Variants in GLIS3 observed in about 807,000 individuals in gnomAD.
The protein encoded by GLIS3 is zinc finger protein GLIS3.
GLIS3 carries 53 observed loss-of-function variants against 78.6 expected under a neutral mutation model. The observed-to-expected ratio is 0.67, with a 90% CI of 0.54 to 0.85. The LOEUF is 0.85. GLIS3 is among the 40% of genes least tolerant of loss of function. The pLI is 0.00. For missense variants in GLIS3, 1,703 were observed against 1,231.1 expected (o/e 1.38, Z -5.74); for synonymous variants, 684 against 509.9 (o/e 1.34, Z -4.60).
At chr9:3,981,019 G>C (rs1271603240) in intron 4 of GLIS3, among the ~76,000 whole-genome samples, 2 of 152,138 alleles carry the variant, frequency 1.3e-5, no homozygotes, top group East Asian at 3.9e-4. Context: ...TTTGTTGCAG[G>C]GCTGGACGAA....
At chr9:3,863,251 C>A (rs1338013298) in intron 8 of GLIS3, among the ~76,000 whole-genome samples, 1 of 152,206 alleles carries the variant, frequency 6.6e-6, no homozygotes, top group Admixed American at 6.5e-5. Flanking sequence ...CTTATACTTC[C>A]CTTCTGTCTC....
chr9:4,310,286 C>T (rs1281056751), intron 3 of GLIS3: 1 of 152,110 alleles, frequency 6.6e-6, no homozygotes, highest in Admixed American at 6.6e-5. Context: ...TATAATTGAA[C>T]AGTAAATGAA....
chr9:4,489,789 G>A, the GLIS3 span, among the ~76,000 whole-genome samples: 1 of 152,322 alleles, frequency 6.6e-6, no homozygotes, highest in East Asian at 1.9e-4. Flanking sequence ...CCAAGGAGCA[G>A]AAGTAAAGTT....
the GLIS3 span, among the ~76,000 whole-genome samples, chr9:4,417,189 T>C: frequency 1.3e-5 from 2 of 152,176 alleles, no homozygotes; most frequent in Non-Finnish European, 2.9e-5. Context: ...ATTATTTATA[T>C]AGTGATTTGT....
chr9:4,162,051 G>T (rs1258732644), intron 2 of GLIS3, among the ~76,000 whole-genome samples: 2 of 152,010 alleles, frequency 1.3e-5, no homozygotes, highest in Non-Finnish European at 2.9e-5. Context: ...TCTAGGAGAG[G>T]ATCCTTCCTT....
chr9:4,316,032 T>C (rs746450818), intron 2 of GLIS3, among the ~76,000 whole-genome samples: 28 of 152,232 alleles, frequency 1.8e-4, no homozygotes, highest in Non-Finnish European at 3.5e-4. Flanking sequence ...TTATCTGGGA[T>C]GATCACAATG....
intron 9 of GLIS3, among the ~76,000 whole-genome samples, chr9:3,840,388 T>C (rs1437172576): frequency 1.3e-5 from 2 of 152,044 alleles, no homozygotes; most frequent in Non-Finnish European, 2.9e-5. Flanking sequence ...GAGGTAGGAG[T>C]CTACTAAGCA....
chr9:4,317,846 CTG>C (rs958695600), intron 2 of GLIS3, among the ~76,000 whole-genome samples: 4 of 152,158 alleles, frequency 2.6e-5, no homozygotes, highest in African/African-American at 9.7e-5. Flanking sequence ...AAAGAGTACT[CTG>C]TAAACTTTAA....
At chr9:3,882,581 AT>A in intron 7 of GLIS3, among the ~76,000 whole-genome samples, 1 of 152,302 alleles carries the variant, frequency 6.6e-6, no homozygotes, top group East Asian at 1.9e-4. Flanking sequence ...GCTCCAGAAT[AT>A]GCCCTCCAGC....
At chr9:3,833,642 C>G (rs1417901912) in intron 9 of GLIS3, among the ~76,000 whole-genome samples, 1 of 152,150 alleles carries the variant, frequency 6.6e-6, no homozygotes, top group Non-Finnish European at 1.5e-5. Flanking sequence ...AGACATCATC[C>G]TTGTCTTTGA....
intron 4 of GLIS3, among the ~76,000 whole-genome samples, chr9:4,065,769 G>A (rs1193844318): frequency 1.3e-5 from 2 of 152,132 alleles, no homozygotes; most frequent in African/African-American, 2.4e-5. Context: ...TTTTATGGAT[G>A]TATAGATGAC....
intron 2 of GLIS3, among the ~76,000 whole-genome samples, chr9:4,268,823 C>A (rs972644486): frequency 2.0e-5 from 3 of 152,158 alleles, no homozygotes; most frequent in African/African-American, 7.2e-5. Context: ...AGCTCTGGGT[C>A]CCAGCTCCAA....
intron 2 of GLIS3, among the ~76,000 whole-genome samples, chr9:4,178,263 A>G (rs1816978784): frequency 6.6e-6 from 1 of 151,594 alleles, no homozygotes; most frequent in Non-Finnish European, 1.5e-5. Context: ...TGCCCCCACA[A>G]TTTACTCTGC....
chr9:4,090,803 T>G (rs2130750527), intron 4 of GLIS3, among the ~76,000 whole-genome samples: 1 of 152,346 alleles, frequency 6.6e-6, no homozygotes, highest in South Asian at 2.1e-4. Flanking sequence ...TGTCAACTGC[T>G]ACTGCTGAGG....
At chr9:4,124,887 T>C (rs1052658376) in intron 3 of GLIS3, among the ~76,000 whole-genome samples, 1 of 152,212 alleles carries the variant, frequency 6.6e-6, no homozygotes, top group Non-Finnish European at 1.5e-5. Flanking sequence ...AACTGTGGAT[T>C]GTGTTTTTCC....
chr9:4,365,543 G>A, the GLIS3 span, among the ~76,000 whole-genome samples: 4 of 151,460 alleles, frequency 2.6e-5, no homozygotes, highest in Non-Finnish European at 5.9e-5. Context: ...GTGACAGAGT[G>A]AGACTCCATC....
chr9:3,995,973 A>C (rs1163128471), intron 4 of GLIS3, among the ~76,000 whole-genome samples: 2 of 152,272 alleles, frequency 1.3e-5, no homozygotes, highest in Admixed American at 6.5e-5. Flanking sequence ...ATAAATTCTA[A>C]GCAAGACTAA....
chr9:4,298,453 G>A (rs920769775), intron 1 of GLIS3: 3 of 450,864 alleles, frequency 6.7e-6, no homozygotes, highest in Admixed American at 2.4e-5. Context: ...GTGACTTCCC[G>A]GTCCCCGAGG....
At chr9:4,150,961 C>G (rs1344225722) in intron 2 of GLIS3, 2 of 152,142 alleles carry the variant, frequency 1.3e-5, no homozygotes, top group African/African-American at 4.8e-5. Context: ...TTAAAAATGT[C>G]TTTTGCCTTC....
Sources: allele counts gnomAD v4.1 joint callset (sites outside exome capture counted in the v4.1 genomes callset), GRCh38; gene constraint gnomAD v4.1.1; transcripts MANE v1.5; gene names NCBI Gene and HGNC (gene_info 2026-07-23, HGNC 2026-07-21).